The following ATP10B variants were observed in gnomAD, a reference collection of about 807,000 sequenced individuals.
The protein encoded by ATP10B is phospholipid-transporting ATPase VB.
ATP10B carries 122 observed loss-of-function variants against 141.2 expected under a neutral mutation model. That is an observed-to-expected ratio of 0.86 (90% CI 0.75 to 1.00). The LOEUF is 1.00. ATP10B is among the 50% of genes least tolerant of loss of function. The pLI is 0.00. For synonymous variants in ATP10B, 685 were observed against 692.0 expected, an observed-to-expected ratio of 0.99 and a Z score of 0.16; for missense variants, 1,876 against 1,825.3, an observed-to-expected ratio of 1.03 and a Z score of -0.51.
rs767843247 is a variant in ATP10B at position 160,602,598 on chromosome 5, C to T, written c.3342G>A (p.Val1114=). The stretch of plus-strand genomic sequence containing the variant: ...TTACCACGTTCTTGTAGAGGTAGTA[C>T]ACCACCATCCTGGCCAGGCGCGAGT... The part of the protein sequence containing the change: ...WCYSRLARMV[V]YYLYKNVCYV... Residue 1114 remains valine, a synonymous_variant, in exon 21 of 26, where the codon GTG becomes GTA. Coordinates refer to ENST00000327245, the MANE Select transcript of ATP10B (RefSeq NM_025153.3). 9.9e-6 allele frequency: 16 copies of T among 1,613,946 alleles called. No individual in the cohort carries two copies. Among genetic ancestry groups the T allele is most frequent in the Admixed American group, 1.7e-5 (1 of 60,026 alleles).
At chr5:160,755,858 T>A (rs1768548711) in intron 2 of ATP10B, among the ~76,000 whole-genome samples, 1 of 119,388 alleles carries the variant, frequency 8.4e-6, no homozygotes, top group African/African-American at 4.0e-5. Context: ...TATATATATA[T>A]ATATATATAT....
chr5:160,872,723 C>T, the ATP10B span, among the ~76,000 whole-genome samples: 1 of 152,178 alleles, frequency 6.6e-6, no homozygotes, highest in Non-Finnish European at 1.5e-5. Context: ...TATTCTTTTC[C>T]ATTGGCCTAT....
rs70990741 is a variant in ATP10B, at chr5:160,671,969, C to CTTTTTT, written c.471-1308_471-1303dup. Among the ~76,000 whole-genome samples, 75 of 68,406 alleles carry CTTTTTT rather than the reference C, an allele frequency of 1.1e-3. 2 individuals carry two copies. Among genetic ancestry groups the CTTTTTT allele is most frequent in the Middle Eastern group, 0.02 (1 of 50 alleles). 44.9% of individuals were successfully genotyped at this position (68,406 alleles called of 152,430 possible). ...TCCCCACTTCTCAAGGCAATGCATC[C>CTTTTTT]TTTTTTTTTTTTTTTTTTTTTTTTT... On this transcript the variant is annotated intron_variant, in intron 6 of 25. Transcript: ENST00000327245.
At chr5:160,607,134 G>A in intron 18 of ATP10B, 48 bp from the exon 19 acceptor site, 1 of 1,482,996 alleles carries the variant, frequency 6.7e-7, no homozygotes, top group Non-Finnish European at 9.2e-7. Flanking sequence ...CCTTGGAAAT[G>A]CATGTTAACA....
At chr5:160,622,720 T>G (rs1758415927) in intron 13 of ATP10B, 135 bp from the exon 14 acceptor site, 1 of 799,752 alleles carries the variant, frequency 1.3e-6, no homozygotes, top group South Asian at 1.9e-5. Context: ...CTCCCACAGG[T>G]CTGGCCATTG....
At chr5:160,650,182 A>T (rs192599202) in intron 7 of ATP10B, among the ~76,000 whole-genome samples, 136 of 151,508 alleles carry the variant, frequency 9.0e-4, no homozygotes, top group Non-Finnish European at 1.7e-3. Context: ...ATACATATAT[A>T]TATACATGTA....
chr5:160,680,403 T>C (rs1763306122), intron 6 of ATP10B, among the ~76,000 whole-genome samples: 1 of 152,206 alleles, frequency 6.6e-6, no homozygotes, highest in African/African-American at 2.4e-5. Flanking sequence ...TCAGTTAAGA[T>C]AATAACTAAC....
chr5:160,902,206 T>G, the ATP10B span, among the ~76,000 whole-genome samples: 25 of 152,216 alleles, frequency 1.6e-4, no homozygotes, highest in Non-Finnish European at 3.4e-4. Context: ...AAGTGTGACG[T>G]AAAATTCTAG....
At chr5:160,658,122 A>G (rs1236969602) in intron 7 of ATP10B, among the ~76,000 whole-genome samples, 1 of 152,236 alleles carries the variant, frequency 6.6e-6, no homozygotes, top group African/African-American at 2.4e-5. Context: ...TATGATCACA[A>G]TGTGTCACCT....
intron 7 of ATP10B, among the ~76,000 whole-genome samples, chr5:160,655,407 G>T (rs1364456607): frequency 4.6e-5 from 7 of 151,692 alleles, no homozygotes; most frequent in Non-Finnish European, 1.0e-4. Flanking sequence ...TGTTTCCATT[G>T]AACATCTCTG....
chr5:160,583,054 T>C (rs1424137640), intron 24 of ATP10B, among the ~76,000 whole-genome samples: 1 of 152,188 alleles, frequency 6.6e-6, no homozygotes, highest in East Asian at 1.9e-4. Flanking sequence ...TGTTTGTTAT[T>C]ACCCACCTTC....
At chr5:160,646,429 G>A (rs763374120) in intron 8 of ATP10B, among the ~76,000 whole-genome samples, 4 of 152,098 alleles carry the variant, frequency 2.6e-5, no homozygotes, top group Non-Finnish European at 4.4e-5. Flanking sequence ...TACCTCTTAA[G>A]TATAGTAAGT....
chr5:160,620,803 T>C lies in ATP10B; in HGVS notation c.1960A>G (p.Asn654Asp). The C allele has an allele frequency of 6.2e-7, 1 of 1,614,200 alleles. No individual in the cohort carries two copies. The highest frequency in any genetic ancestry group is 8.5e-7 in the Non-Finnish European group (1 of 1,180,038). The change falls in exon 15 of 26, where the codon AAC becomes GAC. Residue 654 changes from asparagine to aspartate, a missense_variant. Physicochemically the swap from Asn to Asp is conservative, Grantham distance 23 (BLOSUM62 1). Transcript: ENST00000327245. Reference sequence around the variant, plus strand: ...TCATCCGAGTCTGTGGTGGCCACGTTGGCCCCTAAGCTCTCCCCGAGGTCT... The same window carrying C: ...TCATCCGAGTCTGTGGTGGCCACGTCGGCCCCTAAGCTCTCCCCGAGGTCT... The part of the protein sequence containing the change: ...DTDLGESLGA[N>D]VATTDSDERD...
chr5:160,600,691 A>C (rs984588788), intron 21 of ATP10B, among the ~76,000 whole-genome samples: 5 of 152,110 alleles, frequency 3.3e-5, no homozygotes, highest in Non-Finnish European at 7.4e-5. Flanking sequence ...GCCTAACTGG[A>C]ATCTTTGTAC....
At chr5:160,779,506 G>A (rs1425283041) in intron 2 of ATP10B, among the ~76,000 whole-genome samples, 2 of 152,164 alleles carry the variant, frequency 1.3e-5, no homozygotes, top group African/African-American at 4.8e-5. Flanking sequence ...CTGGACAATG[G>A]CCAGTGAGGA....
chr5:160,828,955 G>C (rs1433594336), intron 1 of ATP10B, among the ~76,000 whole-genome samples: 3 of 144,406 alleles, frequency 2.1e-5, no homozygotes, highest in Non-Finnish European at 4.6e-5. Context: ...ACTAACGCAA[G>C]GACAAAAAAC....
the ATP10B span, among the ~76,000 whole-genome samples, chr5:160,857,277 A>T: frequency 6.6e-6 from 1 of 151,184 alleles, no homozygotes; most frequent in Non-Finnish European, 1.5e-5. Flanking sequence ...GCATTCAGTG[A>T]GTTTTGGTAG....
chr5:160,575,085 T>C (rs1561616904), intron 24 of ATP10B, among the ~76,000 whole-genome samples: 3 of 152,206 alleles, frequency 2.0e-5, no homozygotes, highest in African/African-American at 7.2e-5. Flanking sequence ...TGATCAAACT[T>C]TAAATCCTTT....
At chr5:160,761,548 A>G (rs1331319995) in intron 2 of ATP10B, among the ~76,000 whole-genome samples, 1 of 152,180 alleles carries the variant, frequency 6.6e-6, no homozygotes, top group Non-Finnish European at 1.5e-5. Flanking sequence ...GCACCACATC[A>G]AGGGATTGCC....
Sources: allele counts gnomAD v4.1 joint callset (sites outside exome capture counted in the v4.1 genomes callset), GRCh38; gene constraint gnomAD v4.1.1; transcripts MANE v1.5; gene names NCBI Gene and HGNC (gene_info 2026-07-23, HGNC 2026-07-21).